RNGTT: variants seen among roughly 807,000 people sequenced by gnomAD.
The protein encoded by RNGTT is mRNA-capping enzyme.
A neutral mutation model predicts 79.3 loss-of-function variants in RNGTT; 33 were observed. The ratio of observed to expected loss-of-function variants is 0.42; its 90% CI spans 0.32 to 0.56. The LOEUF (loss-of-function observed/expected upper bound fraction) is 0.56. Among genes scored for constraint, RNGTT ranks in the 20% least tolerant of loss-of-function variants. The probability of loss-of-function intolerance (pLI) is 0.17; values close to 1 mark genes in which losing one functional copy is unlikely to be tolerated. For missense variants in RNGTT, 497 were observed against 739.1 expected, an observed-to-expected ratio of 0.67 and a Z score of 3.80; for synonymous variants, 222 against 235.9, an observed-to-expected ratio of 0.94 and a Z score of 0.54.
intron 4 of RNGTT, among the ~76,000 whole-genome samples, chr6:88,925,422 C>T (rs111463156): frequency 0.021 from 3,121 of 152,042 alleles, 108 homozygotes; most frequent in African/African-American, 0.069. Flanking sequence ...GAAACAGTGT[C>T]TCTACAAAAA....
At chr6:88,795,135 G>A (rs190398493) in intron 12 of RNGTT, among the ~76,000 whole-genome samples, 1 of 152,326 alleles carries the variant, frequency 6.6e-6, no homozygotes, top group Admixed American at 6.5e-5. Context: ...AAATATGTAT[G>A]TGTCAATTTT....
At chr6:88,783,361 T>A (rs1445420860) in intron 12 of RNGTT, among the ~76,000 whole-genome samples, 1 of 151,906 alleles carries the variant, frequency 6.6e-6, no homozygotes, top group Non-Finnish European at 1.5e-5. Flanking sequence ...GAAGCAGAGA[T>A]TAGGATGGTG....
intron 14 of RNGTT, among the ~76,000 whole-genome samples, chr6:88,664,010 G>A (rs186419124): frequency 1.4e-4 from 22 of 152,242 alleles, no homozygotes; most frequent in Non-Finnish European, 2.4e-4. Context: ...TCTTTAACAC[G>A]GATGAGGGAG....
At chr6:88,870,607 T>C (rs1782322957) in intron 8 of RNGTT, among the ~76,000 whole-genome samples, 1 of 152,000 alleles carries the variant, frequency 6.6e-6, no homozygotes, top group African/African-American at 2.4e-5. Flanking sequence ...AGTTTCCTGA[T>C]ACAGAAAAAA....
chr6:88,687,235 G>A (rs1299588517), intron 13 of RNGTT, among the ~76,000 whole-genome samples: 2 of 152,106 alleles, frequency 1.3e-5, no homozygotes, highest in Non-Finnish European at 2.9e-5. Flanking sequence ...ACAACACTGA[G>A]ATACAATTCC....
Position 88,706,956 on chromosome 6 carries a change from A to G in RNGTT, c.1440-28537T>C, listed in dbSNP as rs538746213. Among the ~76,000 whole-genome samples, 20 of 152,330 alleles carry G rather than the reference A, an allele frequency of 1.3e-4. No homozygotes were observed. In the South Asian group the frequency reaches 4.1e-3, roughly 32 times the overall value. On this transcript the variant is annotated intron_variant, in intron 13 of 15. Transcript: ENST00000369485. ...CGAAGACATTAAAATACCTGTTGTT[A>G]ATATGACTACACAAAGAGAAGTCAA... is the stretch of plus-strand genomic sequence containing the variant.
chr6:88,906,162 C>T (rs945838223), intron 5 of RNGTT, among the ~76,000 whole-genome samples: 8 of 151,912 alleles, frequency 5.3e-5, no homozygotes, highest in African/African-American at 1.9e-4. Context: ...CAAAACAAAA[C>T]ATACATATAT....
intron 4 of RNGTT, among the ~76,000 whole-genome samples, chr6:88,913,011 C>A (rs1285622671): frequency 6.6e-6 from 1 of 151,956 alleles, no homozygotes; most frequent in Admixed American, 6.6e-5. Flanking sequence ...CAAGACCAGA[C>A]AGGCCAACAT....
chr6:88,811,958 A>G lies in RNGTT; in HGVS notation c.1270-10326T>C, dbSNP rs576415946. ...GGAAATTTGCACTCCCCTGGATACT[A>G]ATCTTTATTGGTTTTCAATCCCAAA... On this transcript the variant is annotated intron_variant, in intron 11 of 15. Coordinates refer to ENST00000369485, the MANE Select transcript of RNGTT (RefSeq NM_003800.5). Among the ~76,000 whole-genome samples, 5 of 152,242 alleles carry G rather than the reference A, an allele frequency of 3.3e-5. 1 individual carries two copies. The South Asian group carries it at 1.0e-3, about 32-fold the overall frequency.
intron 8 of RNGTT, among the ~76,000 whole-genome samples, chr6:88,866,504 A>G (rs757405589): frequency 6.6e-6 from 1 of 152,150 alleles, no homozygotes; most frequent in Non-Finnish European, 1.5e-5. Flanking sequence ...CACTTTAAAT[A>G]AAAACATGAT....
chr6:88,730,902 C>CTT (rs905536611), intron 13 of RNGTT, among the ~76,000 whole-genome samples: 1 of 152,184 alleles, frequency 6.6e-6, no homozygotes, highest in Admixed American at 6.5e-5. Flanking sequence ...CCTGTCTAGT[C>CTT]TTCTGTCTCA....
At chr6:88,854,810 C>T (rs1283556327) in intron 8 of RNGTT, among the ~76,000 whole-genome samples, 3 of 152,226 alleles carry the variant, frequency 2.0e-5, no homozygotes, top group Non-Finnish European at 4.4e-5. Context: ...TTCCCATCAG[C>T]AAATCAAGAA....
At chr6:88,674,883 G>C (rs1774801819) in intron 14 of RNGTT, among the ~76,000 whole-genome samples, 1 of 152,106 alleles carries the variant, frequency 6.6e-6, no homozygotes, top group Non-Finnish European at 1.5e-5. Context: ...GACTGCCTGA[G>C]GTCAGGAGTT....
chr6:88,614,385 T>C lies in RNGTT; in HGVS notation c.1517A>G (p.Glu506Gly). 1 of 1,613,546 alleles carries C rather than the reference T, an allele frequency of 6.2e-7. No homozygotes were observed. ...AATTTTGTTGTCATACTGTTTCAGC[T>C]CTTTTGTCACCTGTTTTGAAAGAGA... The part of the protein sequence containing the change: ...RPFAQIKVTK[E>G]LKQYDNKIIE... The change falls in exon 15 of 16, where the codon GAG (glutamate) becomes GGG (glycine). Residue 506 changes from glutamate to glycine, a missense_variant. Glu to Gly is a moderately conservative substitution (Grantham distance 98, BLOSUM62 -2). This residue lies in a region of RNGTT where 440 missense variants were observed against 671.5 expected (regional missense o/e 0.66). Transcript: ENST00000369485.
intron 14 of RNGTT, among the ~76,000 whole-genome samples, chr6:88,664,077 A>T (rs573426384): frequency 2.9e-4 from 44 of 152,172 alleles, no homozygotes; most frequent in Non-Finnish European, 6.5e-4. Flanking sequence ...GCTGATTATC[A>T]GAACCCCCAA....
chr6:88,673,910 C>G (rs545649680), intron 14 of RNGTT, among the ~76,000 whole-genome samples: 1 of 152,154 alleles, frequency 6.6e-6, no homozygotes, highest in African/African-American at 2.4e-5. Flanking sequence ...CAGGATTTTC[C>G]AAATCATTGG....
intron 4 of RNGTT, among the ~76,000 whole-genome samples, chr6:88,927,492 G>A (rs993129363): frequency 2.0e-5 from 3 of 152,054 alleles, no homozygotes; most frequent in Non-Finnish European, 4.4e-5. Context: ...GAGAAACCCT[G>A]TCTCTACTAA....
At chr6:88,798,540 A>G (rs1779678312) in intron 12 of RNGTT, among the ~76,000 whole-genome samples, 1 of 152,148 alleles carries the variant, frequency 6.6e-6, no homozygotes, top group Non-Finnish European at 1.5e-5. Flanking sequence ...TTATACCTAG[A>G]TCCAAAAGTA....
At chr6:88,742,901 G>C (rs1468660705) in intron 13 of RNGTT, among the ~76,000 whole-genome samples, 1 of 152,164 alleles carries the variant, frequency 6.6e-6, no homozygotes, top group African/African-American at 2.4e-5. Context: ...ATGCATAGGT[G>C]GCTTGCTAAG....
Sources: gnomAD v4.1 joint callset for allele counts (sites outside exome capture counted in the v4.1 genomes callset) on GRCh38, gnomAD v4.1.1 for gene constraint, gnomAD v4.1.1 regional missense constraint, MANE v1.5 for transcripts, NCBI Gene and HGNC (gene_info 2026-07-23, HGNC 2026-07-21) for gene names.